THSD7A: variants seen among roughly 807,000 people sequenced by gnomAD.
The protein encoded by THSD7A is thrombospondin type-1 domain-containing protein 7A.
A neutral mutation model predicts 231.3 loss-of-function variants in THSD7A; 96 were observed. That is an observed-to-expected ratio of 0.41 (90% CI 0.35 to 0.49). The LOEUF is 0.49. Ranked by LOEUF, THSD7A falls within the 20% of genes least tolerant of loss-of-function variation. THSD7A has a pLI of 0.05. For synonymous variants in THSD7A, 940 were observed against 743.3 expected, an observed-to-expected ratio of 1.26 and a Z score of -4.30; for missense variants, 2,290 against 2,070.2, an observed-to-expected ratio of 1.11 and a Z score of -2.06.
chr7:11,491,580 C>T (rs1179602333), intron 6 of THSD7A, among the ~76,000 whole-genome samples: 1 of 151,988 alleles, frequency 6.6e-6, no homozygotes, highest in Non-Finnish European at 1.5e-5. Flanking sequence ...AGCTATATTA[C>T]AGTACTTAAT....
intron 1 of THSD7A, among the ~76,000 whole-genome samples, chr7:11,720,484 C>A (rs745844467): frequency 1.3e-5 from 2 of 151,716 alleles, no homozygotes; most frequent in Non-Finnish European, 2.9e-5. Context: ...TTTCCATCAG[C>A]CTTTAAATAT....
intron 2 of THSD7A, among the ~76,000 whole-genome samples, chr7:11,607,541 A>G (rs967186631): frequency 6.7e-6 from 1 of 148,922 alleles, no homozygotes; most frequent in Non-Finnish European, 1.5e-5. Context: ...TTGAACCTTT[A>G]AAAAAAAAAG....
chr7:11,673,855 A>G (rs896017579), intron 1 of THSD7A, among the ~76,000 whole-genome samples: 2 of 152,032 alleles, frequency 1.3e-5, no homozygotes, highest in African/African-American at 4.8e-5. Context: ...TGGATATTGG[A>G]AAGAGATGCA....
intron 23 of THSD7A, among the ~76,000 whole-genome samples, chr7:11,390,042 A>G (rs867234459): frequency 1.3e-5 from 2 of 152,206 alleles, no homozygotes; most frequent in African/African-American, 2.4e-5. Flanking sequence ...GGCTGCCCTT[A>G]ACATTTTTTC....
rs35288464 is a variant in THSD7A, at chr7:11,437,373, C to A, written c.3065-8248G>T. Among the ~76,000 whole-genome samples the A allele has an allele frequency of 6.6e-3, 1,006 of 152,186 alleles. 13 individuals carry two copies. The highest frequency in any genetic ancestry group is 0.011 in the Non-Finnish European group (776 of 67,962). On this transcript the variant is annotated intron_variant, in intron 13 of 27. Coordinates refer to ENST00000423059, the MANE Select transcript of THSD7A (RefSeq NM_015204.3). ...CACCTTATTTAAATTCGACCCTAGG[C>A]AATTGCTTTCTCTTTGTGCCCAAGT...
chr7:11,519,491 A>ACACTGTCACTTTCACTCC (rs1788174210), intron 6 of THSD7A, among the ~76,000 whole-genome samples: 1 of 152,336 alleles, frequency 6.6e-6, no homozygotes, highest in Non-Finnish European at 1.5e-5. Flanking sequence ...AGGTACTGGC[A>ACACTGTCACTTTCACTCC]CACTGTCACT....
rs1315607877 is a variant in THSD7A at position 11,446,845 on chromosome 7, T to C, written c.2800+385A>G. On this transcript the variant is annotated intron_variant, in intron 12 of 27. Coordinates refer to ENST00000423059, the MANE Select transcript of THSD7A (RefSeq NM_015204.3). This position sits in a 1 kb window ranked among gnomAD's most constrained non-coding sequence, Gnocchi z 4.0. The stretch of plus-strand genomic sequence containing the variant: ...ATTTTCAGATACAGAATTAATGCTA[T>C]ATTCCCCCTTCTAGGTGAGAAAGGA... Among the ~76,000 whole-genome samples the C allele has an allele frequency of 2.0e-5, 3 of 152,164 alleles. No homozygotes were observed. In the East Asian group the frequency reaches 5.8e-4, roughly 29 times the overall value.
Position 11,446,653 on chromosome 7 carries a change from G to C in THSD7A, c.2801-329C>G, listed in dbSNP as rs987599412. Among the ~76,000 whole-genome samples the C allele has an allele frequency of 3.3e-5, 5 of 152,060 alleles. No individual in the cohort carries two copies. Among genetic ancestry groups the C allele is most frequent in the African/African-American group, 1.2e-4 (5 of 41,486 alleles). ...TTTCGACAGTCTTCATTACATAGGT[G>C]GTTCATTTTTTAACTTAAATTCTGA... On this transcript the variant is annotated intron_variant, in intron 12 of 27. Transcript: ENST00000423059. This position sits in a 1 kb window ranked among gnomAD's most constrained non-coding sequence, Gnocchi z 4.0.
intron 1 of THSD7A, among the ~76,000 whole-genome samples, chr7:11,804,825 C>A (rs1784359403): frequency 6.6e-6 from 1 of 152,106 alleles, no homozygotes; most frequent in Non-Finnish European, 1.5e-5. Flanking sequence ...TGCGGCCTCT[C>A]GGTCCCCATG....
intron 7 of THSD7A, among the ~76,000 whole-genome samples, chr7:11,476,359 ACAC>A (rs1483519899): frequency 1.4e-5 from 2 of 147,600 alleles, no homozygotes; most frequent in South Asian, 2.1e-4. Flanking sequence ...ACACACACAC[ACAC>A]CATTTTTTTA....
chr7:11,554,360 A>G (rs1194695812), intron 4 of THSD7A, among the ~76,000 whole-genome samples: 3 of 152,080 alleles, frequency 2.0e-5, no homozygotes, highest in Admixed American at 6.6e-5. Flanking sequence ...GCCAAGGAAC[A>G]CCAAGGATTG....
Position 11,632,707 on chromosome 7 carries a change from C to A in THSD7A, c.1022+3423G>T, listed in dbSNP as rs569496656. Among the ~76,000 whole-genome samples the A allele has an allele frequency of 3.3e-5, 5 of 152,150 alleles. No homozygotes were observed. The highest frequency in any genetic ancestry group is 1.2e-4 in the African/African-American group (5 of 41,448). ...GTTGAGCACCGTCCCAGCTTTCAGT[C>A]TGATGTCTCTTCACCTATCTCTCTC... On this transcript the variant is annotated intron_variant, in intron 2 of 27. Transcript: ENST00000423059. This position sits in a 1 kb window ranked among gnomAD's most constrained non-coding sequence, Gnocchi z 4.1.
intron 6 of THSD7A, among the ~76,000 whole-genome samples, chr7:11,517,779 T>C (rs550652351): frequency 1.3e-5 from 2 of 152,340 alleles, no homozygotes; most frequent in East Asian, 1.9e-4. Flanking sequence ...CTGACAGACA[T>C]ATTATCTCTA....
chr7:11,723,855 G>A (rs376193985), intron 1 of THSD7A, among the ~76,000 whole-genome samples: 1 of 152,010 alleles, frequency 6.6e-6, no homozygotes, highest in African/African-American at 2.4e-5. Context: ...GTAAGTAACT[G>A]GGCCAGACCA....
intron 4 of THSD7A, among the ~76,000 whole-genome samples, chr7:11,580,283 A>T (rs1028225841): frequency 6.6e-6 from 1 of 152,076 alleles, no homozygotes; most frequent in Non-Finnish European, 1.5e-5. Flanking sequence ...TATTTTGAGG[A>T]TATATGCTTT....
At chr7:11,438,376 A>T (rs891379262) in intron 13 of THSD7A, among the ~76,000 whole-genome samples, 1 of 152,026 alleles carries the variant, frequency 6.6e-6, no homozygotes, top group Non-Finnish European at 1.5e-5. Context: ...TATTTTAATA[A>T]TTAGTGCTAT....
intron 1 of THSD7A, among the ~76,000 whole-genome samples, chr7:11,785,061 G>A (rs1016279309): frequency 6.6e-6 from 1 of 152,018 alleles, no homozygotes; most frequent in South Asian, 2.1e-4. Context: ...AATTCCTGCT[G>A]CCTACCTCTC....
chr7:11,670,131 C>T (rs535971626), intron 1 of THSD7A, among the ~76,000 whole-genome samples: 110 of 152,094 alleles, frequency 7.2e-4, no homozygotes, highest in Non-Finnish European at 8.4e-4. Flanking sequence ...CAAAGACAGG[C>T]AAAAAGCAGA....
chr7:11,645,366 T>C (rs1782238968), intron 1 of THSD7A, among the ~76,000 whole-genome samples: 1 of 151,840 alleles, frequency 6.6e-6, no homozygotes, highest in Non-Finnish European at 1.5e-5. Flanking sequence ...ATATTTTCTG[T>C]TTTTGATATG....
Sources: gnomAD v4.1 joint callset for allele counts (sites outside exome capture counted in the v4.1 genomes callset) on GRCh38, gnomAD v4.1.1 for gene constraint, Gnocchi (gnomAD v3.1) non-coding constraint, MANE v1.5 for transcripts, NCBI Gene and HGNC (gene_info 2026-07-23, HGNC 2026-07-21) for gene names.